THSD4: variants seen among roughly 807,000 people sequenced by gnomAD.
THSD4 encodes thrombospondin type 1 domain containing 4.
A neutral mutation model predicts 119.0 loss-of-function variants in THSD4; 69 were observed. That is an observed-to-expected ratio of 0.58 (90% CI 0.48 to 0.71). The LOEUF (loss-of-function observed/expected upper bound fraction) is 0.71, where lower values mean the gene tolerates loss of function less well. Ranked by LOEUF, THSD4 falls within the 30% of genes least tolerant of loss-of-function variation. The probability of loss-of-function intolerance (pLI) is 0.00; values close to 1 mark genes in which losing one functional copy is unlikely to be tolerated. For synonymous variants in THSD4, 524 were observed against 540.4 expected (o/e 0.97, Z 0.42); for missense variants, 1,393 against 1,391.1 (o/e 1.00, Z -0.02).
intron 8 of THSD4, among the ~76,000 whole-genome samples, chr15:71,687,755 C>CAAAAAAAAA (rs371746249): frequency 3.6e-5 from 2 of 55,112 alleles, no homozygotes; most frequent in Non-Finnish European, 4.2e-5. Flanking sequence ...AACTCTGTCT[C>CAAAAAAAAA]AAAAAAAAAA....
At chr15:71,318,447 A>C (rs2045221165) in intron 6 of THSD4, among the ~76,000 whole-genome samples, 1 of 152,182 alleles carries the variant, frequency 6.6e-6, no homozygotes, top group South Asian at 2.1e-4. Flanking sequence ...ATGGAATCTT[A>C]GTGGGAAGGA....
intron 6 of THSD4, among the ~76,000 whole-genome samples, chr15:71,284,358 A>G (rs1038697330): frequency 2.0e-5 from 3 of 152,190 alleles, no homozygotes; most frequent in Non-Finnish European, 4.4e-5. Context: ...TGTTGGTGTT[A>G]TATATTGAGA....
rs2053837442 is a variant in THSD4, at chr15:71,772,367, ACCAAAAAAACC to A, written c.2914+1161_2914+1171del. Among the ~76,000 whole-genome samples the A allele has an allele frequency of 2.6e-5, 4 of 152,202 alleles. No individual in the cohort carries two copies. In the South Asian group the frequency reaches 8.3e-4, roughly 31 times the overall value. On this transcript the variant is annotated intron_variant, in intron 17 of 17. Coordinates refer to ENST00000261862, the MANE Select transcript of THSD4 (RefSeq NM_024817.3). Reference sequence around the variant, plus strand: ...ATGGGGATGACCATTCCCAGTAGCTACCAAAAAAACCCATAAATTCCATAAGAAGAAAATTA... The same window carrying A: ...ATGGGGATGACCATTCCCAGTAGCTACATAAATTCCATAAGAAGAAAATTA...
intron 6 of THSD4, among the ~76,000 whole-genome samples, chr15:71,354,570 A>G (rs1183137206): frequency 2.6e-5 from 4 of 152,196 alleles, no homozygotes; most frequent in African/African-American, 9.7e-5. Flanking sequence ...AATGCCCTTT[A>G]TGTGCCAAAC....
rs2054018264 is a variant in THSD4, at chr15:71,782,840, T to C, written c.*5466T>C. On this transcript the variant is annotated 3_prime_UTR_variant, in exon 18 of 18. Coordinates refer to ENST00000261862, the MANE Select transcript of THSD4 (RefSeq NM_024817.3). ...TCTGCCTTCCCCTCATCCACAGACA[T>C]TTGGAGAAGGAAATGGGAGGGTGTC... 6.6e-6 allele frequency: 1 copy of C among 152,214 alleles called. No individual in the cohort carries two copies. Among genetic ancestry groups the C allele is most frequent in the African/African-American group, 2.4e-5 (1 of 41,434 alleles). 9.4% of individuals were successfully genotyped at this position (152,214 alleles called of 1,614,324 possible). A position where few individuals can be genotyped will look rare whatever the true frequency, so the allele number is the denominator to read the frequency against.
At chr15:71,316,374 G>A (rs2045186732) in intron 6 of THSD4, among the ~76,000 whole-genome samples, 2 of 152,268 alleles carry the variant, frequency 1.3e-5, no homozygotes, top group Middle Eastern at 3.4e-3. Flanking sequence ...GTTACATTAA[G>A]ACGATACTGG....
At position 71,266,946 on chromosome 15, in the gene THSD4, A is replaced by G. The variant is rs2044471578; in HGVS notation, c.1015+10231A>G. 1.3e-5 allele frequency among the ~76,000 whole-genome samples: 2 copies of G among 152,158 alleles called. 1 individual carries two copies. Among genetic ancestry groups the G allele is most frequent in the South Asian group, 4.1e-4 (2 of 4,836 alleles). ...TGAAAAGGAATGAACAAAGCCTCCAAGAAATATGGGACTATATGAAAAGAC... is the reference window on the plus strand; with the variant it reads ...TGAAAAGGAATGAACAAAGCCTCCAGGAAATATGGGACTATATGAAAAGAC... On this transcript the variant is annotated intron_variant, in intron 6 of 17. Transcript: ENST00000261862.
chr15:71,213,051 AT>A (rs1204191988), intron 3 of THSD4, among the ~76,000 whole-genome samples: 4 of 152,198 alleles, frequency 2.6e-5, no homozygotes, highest in Non-Finnish European at 4.4e-5. Flanking sequence ...CACAAACTGG[AT>A]TGCTTAAAAC....
rs192599751 is a variant in THSD4, at chr15:71,750,524, A to G, written c.2415+1930A>G. Among the ~76,000 whole-genome samples, 747 of 152,350 alleles carry G rather than the reference A, an allele frequency of 4.9e-3. 4 individuals carry two copies. The highest frequency in any genetic ancestry group is 0.012 in the South Asian group (56 of 4,832). On this transcript the variant is annotated intron_variant, in intron 14 of 17. Coordinates refer to ENST00000261862, the MANE Select transcript of THSD4 (RefSeq NM_024817.3). ...CAAATGCAGCCTTCACTCCACCTCC[A>G]GAGATGGTCCTGGAGATTCTTACCT...
At chr15:71,550,719 C>T (rs899287560) in intron 7 of THSD4, among the ~76,000 whole-genome samples, 3 of 152,244 alleles carry the variant, frequency 2.0e-5, no homozygotes, top group Admixed American at 6.5e-5. Flanking sequence ...GGATTACAGG[C>T]GTGGATGTTC....
intron 7 of THSD4, among the ~76,000 whole-genome samples, chr15:71,595,863 A>G (rs990300362): frequency 1.3e-5 from 2 of 152,240 alleles, no homozygotes; most frequent in Non-Finnish European, 2.9e-5. Flanking sequence ...AACTTGCCCA[A>G]GGTCTGCGAA....
intron 6 of THSD4, among the ~76,000 whole-genome samples, chr15:71,262,623 A>C (rs1311606103): frequency 8.5e-6 from 1 of 117,934 alleles, no homozygotes; most frequent in Non-Finnish European, 1.7e-5. Context: ...GCTTGAGTGC[A>C]CTGTGTGTCC....
chr15:71,602,553 C>CAAAAAAAAAAAAAAAAAAAAAAAAAAAAA (rs59370074), intron 7 of THSD4, among the ~76,000 whole-genome samples: 1 of 53,878 alleles, frequency 1.9e-5, no homozygotes, highest in African/African-American at 6.5e-5. Flanking sequence ...AACTCTGTCT[C>CAAAAAAAAAAAAAAAAAAAAAAAAAAAAA]AAAAAAAAAA....
intron 6 of THSD4, among the ~76,000 whole-genome samples, chr15:71,372,009 C>T (rs1415211170): frequency 1.3e-5 from 2 of 152,172 alleles, no homozygotes; most frequent in Admixed American, 6.5e-5. Context: ...AACTTCTCTT[C>T]TCGCTTCATT....
rs1407066098 is a variant in THSD4 at position 71,763,474 on chromosome 15, G to A, written c.2590-1546G>A. ...GCCTGTAATCCCAGAACGATGGGAG[G>A]CCGAGGCAGGAGGATTGGTTGAGGC... On this transcript the variant is annotated intron_variant, in intron 15 of 17. Transcript: ENST00000261862. 3.3e-5 allele frequency among the ~76,000 whole-genome samples: 5 copies of A among 152,298 alleles called. 1 individual carries two copies. In the East Asian group the frequency reaches 9.6e-4, roughly 29 times the overall value.
rs183058184 is a variant in THSD4, at chr15:71,308,654, C to G, written c.1015+51939C>G. 1.3e-3 allele frequency among the ~76,000 whole-genome samples: 195 copies of G among 152,184 alleles called. 1 individual carries two copies. The highest frequency in any genetic ancestry group is 4.6e-3 in the African/African-American group (190 of 41,518). ...GATATATCATTTTGTTTATCCATTC[C>G]TCTGTTTATGGACATGGGTTGTTTC... On this transcript the variant is annotated intron_variant, in intron 6 of 17. Coordinates refer to ENST00000261862, the MANE Select transcript of THSD4 (RefSeq NM_024817.3).
At chr15:71,635,170 G>A (rs1007169489) in intron 7 of THSD4, among the ~76,000 whole-genome samples, 13 of 152,316 alleles carry the variant, frequency 8.5e-5, no homozygotes, top group African/African-American at 3.1e-4. Flanking sequence ...ACTGATTGCA[G>A]GGAATGTAGG....
intron 7 of THSD4, among the ~76,000 whole-genome samples, chr15:71,463,097 C>A (rs564640804): frequency 1.3e-5 from 2 of 152,246 alleles, no homozygotes; most frequent in East Asian, 3.9e-4. Flanking sequence ...ATATTCATGT[C>A]GTTGGTTTTT....
chr15:71,668,586 C>T (rs1333374113), intron 8 of THSD4, among the ~76,000 whole-genome samples: 1 of 152,188 alleles, frequency 6.6e-6, no homozygotes, highest in Non-Finnish European at 1.5e-5. Context: ...ATTGCCTCCT[C>T]GTCCAAATAC....
Sources: allele counts gnomAD v4.1 joint callset (sites outside exome capture counted in the v4.1 genomes callset), GRCh38; gene constraint gnomAD v4.1.1; transcripts MANE v1.5; gene names NCBI Gene and HGNC (gene_info 2026-07-23, HGNC 2026-07-21).